The following TENM3 variants were observed in gnomAD, a reference collection of about 807,000 sequenced individuals.
TENM3 encodes the protein teneurin-3.
In TENM3, 63 loss-of-function variants were observed where a neutral mutation model predicts 255.1. That is an observed-to-expected ratio of 0.25 (90% CI 0.20 to 0.30). The LOEUF (loss-of-function observed/expected upper bound fraction) is 0.30, where lower values mean the gene tolerates loss of function less well. TENM3 is among the 10% of genes least tolerant of loss of function. The probability of loss-of-function intolerance (pLI) is 1.00; values close to 1 mark genes in which losing one functional copy is unlikely to be tolerated. For synonymous variants in TENM3, 1,306 were observed against 1,322.3 expected (o/e 0.99, Z 0.27); for missense variants, 2,929 against 3,461.1 (o/e 0.85, Z 3.86).
the TENM3 span, among the ~76,000 whole-genome samples, chr4:182,011,023 C>T: frequency 6.6e-6 from 1 of 152,218 alleles, no homozygotes; most frequent in Admixed American, 6.5e-5. Flanking sequence ...TGTATTCAGT[C>T]AACATGCTAG....
At chr4:182,383,001 CTAAAACGT>C (rs1297319071) in intron 3 of TENM3, among the ~76,000 whole-genome samples, 2 of 152,136 alleles carry the variant, frequency 1.3e-5, no homozygotes, top group Non-Finnish European at 2.9e-5. Context: ...CTGGCGCTTG[CTAAAACGT>C]TAAGGAAGAC....
At chr4:181,448,007 T>G in the TENM3 span, among the ~76,000 whole-genome samples, 14 of 151,774 alleles carry the variant, frequency 9.2e-5, no homozygotes, top group Admixed American at 9.2e-4. Flanking sequence ...ATGCTACAAA[T>G]GGAAACTCGC....
the TENM3 span, among the ~76,000 whole-genome samples, chr4:181,938,295 G>T: frequency 6.6e-6 from 1 of 152,072 alleles, no homozygotes; most frequent in Admixed American, 6.6e-5. Context: ...CCAGAAAATC[G>T]TAACCTTTAG....
the TENM3 span, among the ~76,000 whole-genome samples, chr4:181,580,510 T>C: frequency 6.6e-6 from 1 of 152,056 alleles, no homozygotes; most frequent in Non-Finnish European, 1.5e-5. Flanking sequence ...ATAAGTGATG[T>C]TTTGAAAATA....
At chr4:182,412,830 A>G (rs539523586) in intron 3 of TENM3, among the ~76,000 whole-genome samples, 3 of 151,190 alleles carry the variant, frequency 2.0e-5, no homozygotes, top group African/African-American at 7.3e-5. Context: ...ACACCACTGC[A>G]CTCCAGCCTG....
chr4:182,044,520 G>A, the TENM3 span, among the ~76,000 whole-genome samples: 1 of 152,172 alleles, frequency 6.6e-6, no homozygotes, highest in African/African-American at 2.4e-5. Flanking sequence ...TTTCCAAAAA[G>A]GGCACTGAGA....
At chr4:182,588,843 T>C (rs1361244290) in intron 3 of TENM3, among the ~76,000 whole-genome samples, 1 of 152,224 alleles carries the variant, frequency 6.6e-6, no homozygotes, top group Non-Finnish European at 1.5e-5. Flanking sequence ...AAGATAGCCA[T>C]GTACACTTGT....
intron 3 of TENM3, among the ~76,000 whole-genome samples, chr4:182,494,542 G>A (rs1037098792): frequency 2.0e-5 from 3 of 152,064 alleles, no homozygotes; most frequent in African/African-American, 4.8e-5. Context: ...TGGGGGTCTT[G>A]GAAGGTATTT....
At chr4:182,235,417 A>C (rs571003289) in intron 1 of TENM3, among the ~76,000 whole-genome samples, 53 of 152,334 alleles carry the variant, frequency 3.5e-4, no homozygotes, top group African/African-American at 1.2e-3. Context: ...TGTAGCGTGC[A>C]ATCTCCAGTG....
At chr4:182,572,192 G>C (rs948414721) in intron 3 of TENM3, among the ~76,000 whole-genome samples, 12 of 152,172 alleles carry the variant, frequency 7.9e-5, no homozygotes, top group Admixed American at 7.9e-4. Flanking sequence ...GTGAGCCACT[G>C]CGCCCGGCCA....
Position 182,753,510 on chromosome 4 carries a change from T to A in TENM3, c.3923T>A (p.Val1308Asp). 1 of 1,613,982 alleles carries A rather than the reference T, an allele frequency of 6.2e-7. No homozygotes were observed. The highest frequency in any genetic ancestry group is 8.5e-7 in the Non-Finnish European group (1 of 1,179,866). The change falls in exon 21 of 28, where the codon GTT becomes GAT. Residue 1308 changes from valine to aspartate, a missense_variant. Val to Asp is a radical substitution (Grantham distance 152, BLOSUM62 -3). Around this residue, in one of 6 missense-constraint regions of TENM3, gnomAD observed 1,608 missense variants for 1,884.4 expected, o/e 0.85. Coordinates refer to ENST00000511685, the MANE Select transcript of TENM3 (RefSeq NM_001080477.4). Reference sequence around the variant, plus strand: ...GTTGATGGAACCATGATTAGGAAAGTTGACCAAAATGGAATCATATCAACT... The same window carrying A: ...GTTGATGGAACCATGATTAGGAAAGATGACCAAAATGGAATCATATCAACT... ...YFVDGTMIRK[V>D]DQNGIISTLL...
rs555561260 is a variant in TENM3, at chr4:182,236,476, C to T, written c.-75-87470C>T. Among the ~76,000 whole-genome samples the T allele has an allele frequency of 2.0e-5, 3 of 152,260 alleles. No homozygotes were observed. In the East Asian group the frequency reaches 5.8e-4, roughly 29 times the overall value. On this transcript the variant is annotated intron_variant, in intron 1 of 2. Coordinates refer to the TENM3 transcript ENST00000512480. ...CAGTTACTTCAGCTGTGTGAAATGC[C>T]TGATTTCCTTTCATGATATGCTCAT...
the TENM3 span, among the ~76,000 whole-genome samples, chr4:181,895,705 C>A: frequency 1.3e-5 from 2 of 151,728 alleles, no homozygotes; most frequent in African/African-American, 4.8e-5. Flanking sequence ...ACCACAACAT[C>A]CAGCTAATTT....
At chr4:182,111,099 A>ACT in the TENM3 span, among the ~76,000 whole-genome samples, 3 of 151,858 alleles carry the variant, frequency 2.0e-5, no homozygotes, top group Non-Finnish European at 2.9e-5. Flanking sequence ...GTTATGTAGA[A>ACT]CTCTCTCATG....
chr4:181,515,619 C>G, the TENM3 span, among the ~76,000 whole-genome samples: 1 of 151,994 alleles, frequency 6.6e-6, no homozygotes, highest in African/African-American at 2.4e-5. Flanking sequence ...CGAATTGTGT[C>G]TAGGGGTTAA....
chr4:182,628,919 C>G, intron 5 of TENM3, 30 bp downstream of exon 5: 3 of 1,306,836 alleles, frequency 2.3e-6, no homozygotes, highest in Non-Finnish European at 3.2e-6. Context: ...ATTACTTTGT[C>G]TGTAAATCAG....
At chr4:181,852,265 A>G in the TENM3 span, among the ~76,000 whole-genome samples, 1 of 152,248 alleles carries the variant, frequency 6.6e-6, no homozygotes, top group Non-Finnish European at 1.5e-5. Context: ...GTTGTGTGAC[A>G]GAAGGAAGAG....
the TENM3 span, among the ~76,000 whole-genome samples, chr4:181,843,481 G>C: frequency 1.3e-5 from 2 of 152,124 alleles, no homozygotes; most frequent in Non-Finnish European, 2.9e-5. Flanking sequence ...AAGAATTTGA[G>C]TCTCATCTTT....
At chr4:181,590,500 G>A in the TENM3 span, among the ~76,000 whole-genome samples, 1 of 152,154 alleles carries the variant, frequency 6.6e-6, no homozygotes, top group Non-Finnish European at 1.5e-5. Flanking sequence ...ACCGAGGAAG[G>A]GTCAAGAAAG....
Sources: gnomAD v4.1 joint callset for allele counts (sites outside exome capture counted in the v4.1 genomes callset) on GRCh38, gnomAD v4.1.1 for gene constraint, gnomAD v4.1.1 regional missense constraint, MANE v1.5 for transcripts, NCBI Gene and HGNC (gene_info 2026-07-23, HGNC 2026-07-21) for gene names.